BCL2L13: variants seen among roughly 807,000 people sequenced by gnomAD.
BCL2L13 encodes bcl-2-like protein 13.
Under a neutral mutation model 25.8 loss-of-function variants are expected in BCL2L13, and 13 were observed. The ratio of observed to expected loss-of-function variants is 0.50; its 90% CI spans 0.33 to 0.80. BCL2L13 has a LOEUF of 0.80. Ranked by LOEUF, BCL2L13 falls within the 30% of genes least tolerant of loss-of-function variation. The pLI is 0.02. For synonymous variants in BCL2L13, 244 were observed against 230.3 expected, an observed-to-expected ratio of 1.06 and a Z score of -0.54; for missense variants, 504 against 574.9, an observed-to-expected ratio of 0.88 and a Z score of 1.26.
chr22:17,675,664 G>T (rs1344370631), intron 2 of BCL2L13, among the ~76,000 whole-genome samples: 1 of 152,088 alleles, frequency 6.6e-6, no homozygotes, highest in Non-Finnish European at 1.5e-5. Context: ...GATTACCTTA[G>T]CCTGGAAAAA....
Position 17,639,733 on chromosome 22 carries a change from C to A in BCL2L13, c.-51+847C>A, listed in dbSNP as rs2058201277. 2.0e-5 allele frequency among the ~76,000 whole-genome samples: 3 copies of A among 152,242 alleles called. No individual in the cohort carries two copies. In the South Asian group the frequency reaches 6.2e-4, roughly 32 times the overall value. On this transcript the variant is annotated intron_variant, in intron 1 of 6. Transcript: ENST00000317582. Reference sequence around the variant, plus strand: ...TTTGTTGTTGTTGCGTAAAACAAAACAAAAACTTCTTTGGCGAAATTATAA... The same window carrying A: ...TTTGTTGTTGTTGCGTAAAACAAAAAAAAAACTTCTTTGGCGAAATTATAA...
At chr22:17,694,345 C>G (rs569334102) in intron 4 of BCL2L13, among the ~76,000 whole-genome samples, 1 of 152,010 alleles carries the variant, frequency 6.6e-6, no homozygotes, top group East Asian at 1.9e-4. Flanking sequence ...AAAGGCTTAT[C>G]TCTCTACCCT....
intron 2 of BCL2L13, among the ~76,000 whole-genome samples, chr22:17,664,035 G>T (rs2059156949): frequency 6.6e-6 from 1 of 152,176 alleles, no homozygotes; most frequent in African/African-American, 2.4e-5. Context: ...TTTTAGTAGA[G>T]ACAGGGTTTT....
In BCL2L13 at chr22:17,689,021, C is replaced by T; in HGVS notation, c.265C>T (p.Pro89Ser). ...CACAGGCTTTGACCGTCACACTTCT[C>T]CAGTGTTCAGCCCTGCCAATCCAGA... ...TSTGFDRHTS[P>S]VFSPANPESS... The change falls in exon 4 of 7, where the codon CCA (proline) becomes TCA (serine). Residue 89 changes from proline to serine, a missense_variant. Transcript: ENST00000317582. The T allele has an allele frequency of 6.2e-7, 1 of 1,614,118 alleles. No individual in the cohort carries two copies. Among genetic ancestry groups the T allele is most frequent in the Non-Finnish European group, 8.5e-7 (1 of 1,179,992 alleles).
intron 6 of BCL2L13, among the ~76,000 whole-genome samples, chr22:17,707,788 A>AGCTCAGCAGCAGC (rs1440411701): frequency 6.6e-5 from 10 of 152,196 alleles, no homozygotes; most frequent in Non-Finnish European, 1.0e-4. Flanking sequence ...TGGAAAAGTT[A>AGCTCAGCAGCAGC]AGTTCATAGG....
chr22:17,696,720 C>G (rs1440314206), intron 5 of BCL2L13, among the ~76,000 whole-genome samples: 1 of 152,100 alleles, frequency 6.6e-6, no homozygotes, highest in Non-Finnish European at 1.5e-5. Flanking sequence ...GGTAGGTAAT[C>G]AGAAAGAAAA....
chr22:17,666,959 A>G, intron 2 of BCL2L13, among the ~76,000 whole-genome samples: 1 of 152,070 alleles, frequency 6.6e-6, no homozygotes, highest in Non-Finnish European at 1.5e-5. Flanking sequence ...TGCTGGGATT[A>G]CAGGTGATCT....
chr22:17,723,449 G>C (rs563199776), intron 6 of BCL2L13, among the ~76,000 whole-genome samples: 1 of 152,298 alleles, frequency 6.6e-6, no homozygotes, highest in East Asian at 1.9e-4. Context: ...TTAGCCAAGG[G>C]AGGGTATTGT....
chr22:17,631,668 GTGTATATATATATATA>G (rs1473876729), intron 1 of BCL2L13, among the ~76,000 whole-genome samples: 1 of 21,866 alleles, frequency 4.6e-5, no homozygotes, highest in Non-Finnish European at 9.0e-5. Flanking sequence ...ATGTGTGTGT[GTGTATATATATATATA>G]TATATATATA....
chr22:17,679,615 G>A (rs900599471), intron 2 of BCL2L13, among the ~76,000 whole-genome samples: 128 of 151,692 alleles, frequency 8.4e-4, no homozygotes, highest in African/African-American at 2.8e-3. Context: ...ATGTTCTGTA[G>A]TACTGAAATC....
At chr22:17,654,897 A>AT (rs1421096714) in intron 1 of BCL2L13, among the ~76,000 whole-genome samples, 1 of 151,040 alleles carries the variant, frequency 6.6e-6, no homozygotes, top group African/African-American at 2.4e-5. Flanking sequence ...AATGTTTTAA[A>AT]TTTTTTTGTA....
intron 2 of BCL2L13, among the ~76,000 whole-genome samples, chr22:17,667,173 A>T (rs972558810): frequency 1.3e-5 from 2 of 152,002 alleles, no homozygotes; most frequent in East Asian, 1.9e-4. Context: ...GCTGGATCAT[A>T]TGGTAGCTCA....
At chr22:17,663,063 G>A (rs1354129471) in intron 2 of BCL2L13, among the ~76,000 whole-genome samples, 2 of 152,132 alleles carry the variant, frequency 1.3e-5, no homozygotes, top group Non-Finnish European at 2.9e-5. Flanking sequence ...TAAAGACAGG[G>A]TCTTGCAGTG....
intron 2 of BCL2L13, among the ~76,000 whole-genome samples, chr22:17,680,511 C>CAAAAAAAAAAAAAAAA (rs770410371): frequency 7.5e-5 from 1 of 13,346 alleles, no homozygotes; most frequent in African/African-American, 3.0e-4. Flanking sequence ...GACTCTGTCT[C>CAAAAAAAAAAAAAAAA]AAAAAAAAAA....
chr22:17,724,259 C>T (rs545711616), intron 6 of BCL2L13, among the ~76,000 whole-genome samples: 4 of 152,216 alleles, frequency 2.6e-5, no homozygotes, highest in East Asian at 3.9e-4. Context: ...TGTGACAGAG[C>T]GAGACCCCAA....
rs780357487 is a variant in BCL2L13, at chr22:17,726,993, A to G, written c.917A>G (p.Asp306Gly). ...AGTGAGAACAACTCCTCTAATTCTG[A>G]CATTGTGCACGTGGAGAAAGAAGAG... ...EKSENNSSNS[D>G]IVHVEKEEVP... Residue 306 changes from aspartate to glycine, a missense_variant, in exon 7 of 7, where the codon GAC (aspartate) becomes GGC (glycine). By Grantham distance (94) the Asp-to-Gly change is moderately conservative. Transcript: ENST00000317582. The G allele has an allele frequency of 1.9e-6, 3 of 1,614,176 alleles. No individual in the cohort carries two copies. The highest frequency in any genetic ancestry group is 2.5e-6 in the Non-Finnish European group (3 of 1,180,034).
At chr22:17,631,992 T>C (rs1349610457) in intron 1 of BCL2L13, among the ~76,000 whole-genome samples, 1 of 151,952 alleles carries the variant, frequency 6.6e-6, no homozygotes, top group Non-Finnish European at 1.5e-5. Flanking sequence ...AGTCTTGGGA[T>C]TACAGGCGTG....
chr22:17,692,926 T>C (rs1275588288), intron 4 of BCL2L13, among the ~76,000 whole-genome samples: 4 of 152,226 alleles, frequency 2.6e-5, no homozygotes, highest in African/African-American at 9.6e-5. Context: ...TTTTGGATTG[T>C]TTTTTCTTCC....
intron 4 of BCL2L13, among the ~76,000 whole-genome samples, chr22:17,692,589 G>C (rs2060135743): frequency 2.0e-5 from 3 of 152,198 alleles, no homozygotes; most frequent in Admixed American, 2.0e-4. Context: ...TTAATGGGAA[G>C]GTGATGCCAG....
Sources: gnomAD v4.1 joint callset for allele counts (sites outside exome capture counted in the v4.1 genomes callset) on GRCh38, gnomAD v4.1.1 for gene constraint, MANE v1.5 for transcripts, NCBI Gene and HGNC (gene_info 2026-07-23, HGNC 2026-07-21) for gene names.